The following LMOD1 variants were observed in gnomAD, a reference collection of about 807,000 sequenced individuals.
The protein encoded by LMOD1 is leiomodin-1.
LMOD1 carries 8 observed loss-of-function variants against 36.5 expected under a neutral mutation model. The observed-to-expected ratio is 0.22, with a 90% CI of 0.13 to 0.40. The LOEUF is 0.40. Among genes scored for constraint, LMOD1 ranks in the 10% least tolerant of loss-of-function variants. The pLI, the probability that LMOD1 is intolerant of heterozygous loss-of-function variation, is 1.00. For missense variants in LMOD1, 630 were observed against 751.1 expected (o/e 0.84, Z 1.88); for synonymous variants, 284 against 288.7 (o/e 0.98, Z 0.17).
chr1:201,930,170 C>T (rs1681893847), intron 1 of LMOD1, among the ~76,000 whole-genome samples: 2 of 152,156 alleles, frequency 1.3e-5, no homozygotes, highest in African/African-American at 4.8e-5. Context: ...ACATCAGCAG[C>T]TTTCTAAGCC....
chr1:201,896,839 C>T lies in LMOD1; in HGVS notation c.*1533G>A, dbSNP rs961685975. Reference sequence around the variant, plus strand: ...GGGCTTTACCCCCAGGACTAGACTGCCCTCTGGTTTTGGTCAGACCTAGCA... The same window carrying T: ...GGGCTTTACCCCCAGGACTAGACTGTCCTCTGGTTTTGGTCAGACCTAGCA... On this transcript the variant is annotated 3_prime_UTR_variant, in exon 3 of 3. Coordinates refer to ENST00000367288, the MANE Select transcript of LMOD1 (RefSeq NM_012134.3). 4 of 407,600 alleles carry T rather than the reference C, an allele frequency of 9.8e-6. No individual in the cohort carries two copies. The allele number at this position is 407,600 out of a possible 1,614,324, so 25.2% of individuals were successfully genotyped here. A position where few individuals can be genotyped will look rare whatever the true frequency, so the allele number is the denominator to read the frequency against.
At chr1:201,921,393 T>C (rs1681700010) in intron 1 of LMOD1, among the ~76,000 whole-genome samples, 4 of 145,264 alleles carry the variant, frequency 2.8e-5, no homozygotes, top group Admixed American at 1.4e-4. Flanking sequence ...GAGGCTGAGG[T>C]TGGAGAACTG....
chr1:201,909,897 A>G (rs1280734146), intron 1 of LMOD1, among the ~76,000 whole-genome samples: 2 of 152,160 alleles, frequency 1.3e-5, no homozygotes, highest in Admixed American at 1.3e-4. Context: ...TGAACTTTTA[A>G]CCTCTATGTT....
At position 201,946,355 on chromosome 1, in the gene LMOD1, C is replaced by T; in HGVS notation, c.-15G>A. ...ACTCTAGACATCTTGGCAAAATGGG[C>T]TGTGGCTGCCAGGGGCTATCAGAGT... On this transcript the variant is annotated 5_prime_UTR_variant, in exon 1 of 3. Transcript: ENST00000367288. 1.2e-6 allele frequency: 2 copies of T among 1,611,054 alleles called. No individual in the cohort carries two copies. The highest frequency in any genetic ancestry group is 1.7e-6 in the Non-Finnish European group (2 of 1,177,920).
At chr1:201,934,019 G>C (rs946716754) in intron 1 of LMOD1, among the ~76,000 whole-genome samples, 2 of 152,086 alleles carry the variant, frequency 1.3e-5, no homozygotes, top group African/African-American at 4.8e-5. Context: ...GCTGGGAAGG[G>C]ACCAGTGTGC....
At chr1:201,940,953 G>A (rs1370749495) in intron 1 of LMOD1, among the ~76,000 whole-genome samples, 1 of 151,668 alleles carries the variant, frequency 6.6e-6, no homozygotes, top group Non-Finnish European at 1.5e-5. Flanking sequence ...CTCCATGTTG[G>A]TCAGGCTGGT....
intron 1 of LMOD1, among the ~76,000 whole-genome samples, chr1:201,905,587 C>G (rs964401770): frequency 1.3e-5 from 2 of 152,222 alleles, no homozygotes; most frequent in African/African-American, 4.8e-5. Flanking sequence ...CCTCTGTGTG[C>G]TGCATTCGGC....
At chr1:201,939,239 C>T (rs367720769) in intron 1 of LMOD1, among the ~76,000 whole-genome samples, 2 of 152,004 alleles carry the variant, frequency 1.3e-5, no homozygotes, top group Non-Finnish European at 2.9e-5. Context: ...GAAGGTCTCT[C>T]GTGATGTGCC....
intron 1 of LMOD1, among the ~76,000 whole-genome samples, chr1:201,911,570 C>A (rs1025645252): frequency 2.6e-5 from 4 of 152,162 alleles, no homozygotes; most frequent in Non-Finnish European, 4.4e-5. Flanking sequence ...GAGGCTGAAG[C>A]AGGAGAATCC....
intron 1 of LMOD1, among the ~76,000 whole-genome samples, chr1:201,937,445 T>TCAAA (rs777834941): frequency 1.3e-5 from 2 of 151,420 alleles, no homozygotes; most frequent in Non-Finnish European, 2.9e-5. Flanking sequence ...AGATCCTGTC[T>TCAAA]CAAACAAACA....
intron 1 of LMOD1, among the ~76,000 whole-genome samples, chr1:201,902,073 A>G (rs1245596080): frequency 6.6e-6 from 1 of 151,512 alleles, no homozygotes; most frequent in Non-Finnish European, 1.5e-5. Flanking sequence ...CTGAGATCAC[A>G]GGTGTGAGCT....
intron 1 of LMOD1, among the ~76,000 whole-genome samples, chr1:201,904,519 C>G (rs1425128871): frequency 6.6e-6 from 1 of 152,152 alleles, no homozygotes; most frequent in African/African-American, 2.4e-5. Context: ...CTCAATTTAA[C>G]CTTCTTTCTT....
chr1:201,940,168 C>G (rs1226540420), intron 1 of LMOD1, among the ~76,000 whole-genome samples: 2 of 151,036 alleles, frequency 1.3e-5, no homozygotes, highest in African/African-American at 4.9e-5. Flanking sequence ...CTTGCATTTT[C>G]CATCCAGCCA....
rs78093672 is a variant in LMOD1, at chr1:201,921,540, G to T, written c.262-20789C>A. Among the ~76,000 whole-genome samples, 1,096 of 150,408 alleles carry T rather than the reference G, an allele frequency of 7.3e-3. 12 individuals are homozygous for T. Among genetic ancestry groups the T allele is most frequent in the African/African-American group, 0.025 (1,028 of 40,862 alleles). On this transcript the variant is annotated intron_variant, in intron 1 of 2. Coordinates refer to ENST00000367288, the MANE Select transcript of LMOD1 (RefSeq NM_012134.3). ...TCTGGGGCTCAGAAAGGAGATCTAGGCTTGACAGGTAGGTTTGGGAGTCAT... is the reference window on the plus strand; with the variant it reads ...TCTGGGGCTCAGAAAGGAGATCTAGTCTTGACAGGTAGGTTTGGGAGTCAT...
chr1:201,932,802 T>G (rs10920280), intron 1 of LMOD1, among the ~76,000 whole-genome samples: 32,330 of 152,174 alleles, frequency 0.21, 3,880 homozygotes, highest in East Asian at 0.42. Context: ...TGCCTACTGT[T>G]TGCAAAGCAC....
chr1:201,912,498 A>C (rs1449966035), intron 1 of LMOD1, among the ~76,000 whole-genome samples: 3 of 152,066 alleles, frequency 2.0e-5, no homozygotes, highest in Non-Finnish European at 4.4e-5. Flanking sequence ...TACTGACTCG[A>C]TGCCTGGCAC....
intron 1 of LMOD1, among the ~76,000 whole-genome samples, chr1:201,920,853 A>G (rs1285465724): frequency 6.6e-6 from 1 of 152,070 alleles, no homozygotes; most frequent in Non-Finnish European, 1.5e-5. Flanking sequence ...ACATAGTGTG[A>G]CCCTGTTTCT....
chr1:201,916,301 C>T (rs1681610637), intron 1 of LMOD1, among the ~76,000 whole-genome samples: 1 of 152,086 alleles, frequency 6.6e-6, no homozygotes, highest in East Asian at 2.0e-4. Flanking sequence ...GAAGCTGGAG[C>T]CCAGGAGTTC....
At chr1:201,933,595 T>TATATATATATATATATATA (rs1437458163) in intron 1 of LMOD1, among the ~76,000 whole-genome samples, 1 of 63,232 alleles carries the variant, frequency 1.6e-5, no homozygotes, top group East Asian at 6.6e-4. Context: ...TATACATACA[T>TATATATATATATATATATA]TATATATATA....
Sources: allele counts gnomAD v4.1 joint callset (sites outside exome capture counted in the v4.1 genomes callset), GRCh38; gene constraint gnomAD v4.1.1; transcripts MANE v1.5; gene names NCBI Gene and HGNC (gene_info 2026-07-23, HGNC 2026-07-21).